PLA2G2C: variants seen among roughly 807,000 people sequenced by gnomAD.
PLA2G2C encodes putative inactive group IIC secretory phospholipase A2.
A neutral mutation model predicts 14.3 loss-of-function variants in PLA2G2C; 15 were observed. The observed-to-expected ratio is 1.05, with a 90% confidence interval of 0.70 to 1.62. The LOEUF is 1.62. Among genes scored for constraint, PLA2G2C ranks in the 40% most tolerant of loss-of-function variants. The pLI is 0.00. For missense variants in PLA2G2C, 162 were observed against 173.2 expected (o/e 0.94, Z 0.36); for synonymous variants, 79 against 67.7 (o/e 1.17, Z -0.82).
rs1218555540 is a variant in PLA2G2C at position 20,174,252 on chromosome 1, G to T, written c.179+755C>A. Among the ~76,000 whole-genome samples the T allele has an allele frequency of 2.6e-5, 4 of 152,142 alleles. No homozygotes were observed. In the South Asian group the frequency reaches 8.3e-4, roughly 32 times the overall value. ...GTGGGGACATGTTTCTCCATACTAG[G>T]TTAAATGTGGCAAGGAACATTTTGC... On this transcript the variant is annotated intron_variant, in intron 3 of 4. Coordinates refer to ENST00000679259, the MANE Select transcript of PLA2G2C (RefSeq NM_001367969.2).
At position 20,163,759 on chromosome 1, in the gene PLA2G2C, C is replaced by T. The variant is rs1478451775; in HGVS notation, c.*232G>A. On this transcript the variant is annotated 3_prime_UTR_variant, in exon 5 of 5. Coordinates refer to ENST00000679259, the MANE Select transcript of PLA2G2C (RefSeq NM_001367969.2). The stretch of plus-strand genomic sequence containing the variant: ...TCCTCCCCACTCCACAGAATGCCAG[C>T]TCCTGCAGGGCAGGCATCTCATCTT... The T allele has an allele frequency of 1.9e-6, 1 of 526,418 alleles. No homozygotes were observed. The highest frequency in any genetic ancestry group is 3.4e-6 in the Non-Finnish European group (1 of 298,074). 32.6% of individuals were successfully genotyped at this position (526,418 alleles called of 1,614,324 possible).
chr1:20,165,443 G>A (rs555860063), intron 4 of PLA2G2C, among the ~76,000 whole-genome samples: 45 of 152,192 alleles, frequency 3.0e-4, no homozygotes, highest in Non-Finnish European at 6.3e-4. Flanking sequence ...CATAAGCTGT[G>A]TGCGGCTGAG....
At chr1:20,177,468 G>A in intron 1 of PLA2G2C, 29 bp from the exon 2 acceptor site, 1 of 590,440 alleles carries the variant, frequency 1.7e-6, no homozygotes, top group Non-Finnish European at 3.0e-6. Flanking sequence ...ACCAAAATGA[G>A]GCAAGGGTAT....
At chr1:20,169,095 T>C (rs2018027001) in intron 4 of PLA2G2C, among the ~76,000 whole-genome samples, 1 of 152,166 alleles carries the variant, frequency 6.6e-6, no homozygotes, top group Non-Finnish European at 1.5e-5. Context: ...TCAGAACTCA[T>C]GGGAGGCTAG....
At chr1:20,179,212 C>CTGTGTGTGTGTGTGTGTGTGTG in intron 1 of PLA2G2C, among the ~76,000 whole-genome samples, 1 of 149,866 alleles carries the variant, frequency 6.7e-6, no homozygotes, top group South Asian at 2.1e-4. Context: ...GTCAGTTTCT[C>CTGTGTGTGTGTGTGTGTGTGTG]TGTGTGTGTG....
chr1:20,177,239 T>G, intron 2 of PLA2G2C, 85 bp downstream of exon 2: 2 of 699,408 alleles, frequency 2.9e-6, no homozygotes. Flanking sequence ...TTCCCTCACC[T>G]GGTGCCACCT....
intron 1 of PLA2G2C, among the ~76,000 whole-genome samples, chr1:20,183,782 A>G (rs903724568): frequency 2.6e-5 from 4 of 152,176 alleles, no homozygotes; most frequent in African/African-American, 9.6e-5. Flanking sequence ...GACACTGGAG[A>G]TGAAAAAGCT....
rs558161787 is a variant in PLA2G2C at position 20,181,436 on chromosome 1, A to G, written c.-76-3997T>C. The stretch of plus-strand genomic sequence containing the variant: ...CAGTAAGGGTAATTGAAGCTGGCAC[A>G]GGTCAGGTCATTTGCCCTGCAAACT... On this transcript the variant is annotated intron_variant, in intron 1 of 4. Coordinates refer to ENST00000679259, the MANE Select transcript of PLA2G2C (RefSeq NM_001367969.2). Among the ~76,000 whole-genome samples, 6 of 152,214 alleles carry G rather than the reference A, an allele frequency of 3.9e-5. No individual in the cohort carries two copies. In the South Asian group the frequency reaches 1.2e-3, roughly 32 times the overall value.
At chr1:20,182,084 T>TTA (rs1383707741) in intron 1 of PLA2G2C, among the ~76,000 whole-genome samples, 1 of 152,138 alleles carries the variant, frequency 6.6e-6, no homozygotes, top group Non-Finnish European at 1.5e-5. Context: ...CCAAGGTGAG[T>TTA]TACAGTGTTT....
chr1:20,176,031 T>C (rs1323557564), intron 2 of PLA2G2C, among the ~76,000 whole-genome samples: 1 of 151,738 alleles, frequency 6.6e-6, no homozygotes, highest in Non-Finnish European at 1.5e-5. Flanking sequence ...TGCCTCAGCC[T>C]CCTGAGTAGC....
chr1:20,174,391 C>G (rs1477896350), intron 3 of PLA2G2C, among the ~76,000 whole-genome samples: 1 of 152,202 alleles, frequency 6.6e-6, no homozygotes, highest in Non-Finnish European at 1.5e-5. Context: ...CACACTCCCC[C>G]ACCCCCATCC....
At chr1:20,168,246 T>G (rs2018009383) in intron 4 of PLA2G2C, among the ~76,000 whole-genome samples, 1 of 152,252 alleles carries the variant, frequency 6.6e-6, no homozygotes, top group Admixed American at 6.5e-5. Flanking sequence ...TAAAGATACG[T>G]GCACTGCCTA....
chr1:20,164,240 C>T, intron 4 of PLA2G2C, 83 bp from the exon 5 acceptor site: 1 of 1,385,738 alleles, frequency 7.2e-7, no homozygotes, highest in Non-Finnish European at 9.8e-7. Flanking sequence ...TGGGAGCTCA[C>T]TGTAAGGGGC....
At chr1:20,180,260 T>C (rs769728509) in intron 1 of PLA2G2C, among the ~76,000 whole-genome samples, 2 of 152,198 alleles carry the variant, frequency 1.3e-5, no homozygotes, top group East Asian at 1.9e-4. Flanking sequence ...CCTGCATCCA[T>C]GTGGAATGAT....
intron 3 of PLA2G2C, among the ~76,000 whole-genome samples, chr1:20,174,238 T>C (rs1019562385): frequency 2.6e-5 from 4 of 152,162 alleles, no homozygotes; most frequent in Non-Finnish European, 5.9e-5. Context: ...TGGGGACATG[T>C]TTCTCCATAC....
chr1:20,174,857 T>C, intron 3 of PLA2G2C, 150 bp downstream of exon 3: 1 of 828,370 alleles, frequency 1.2e-6, no homozygotes, highest in East Asian at 2.8e-5. Context: ...TCAAGACCCA[T>C]CCTCCAAATC....
intron 4 of PLA2G2C, 74 bp downstream of exon 4, chr1:20,172,720 T>C: frequency 7.8e-7 from 1 of 1,275,802 alleles, no homozygotes; most frequent in Non-Finnish European, 1.1e-6. Flanking sequence ...AAAAGATCTC[T>C]GGGTCAAAGA....
intron 4 of PLA2G2C, among the ~76,000 whole-genome samples, chr1:20,166,532 C>T (rs1367951476): frequency 6.6e-6 from 1 of 152,226 alleles, no homozygotes; most frequent in Non-Finnish European, 1.5e-5. Flanking sequence ...CCCAGCCAGC[C>T]TCACTGTCCA....
At chr1:20,175,595 A>AT (rs1423448983) in intron 2 of PLA2G2C, among the ~76,000 whole-genome samples, 7 of 152,160 alleles carry the variant, frequency 4.6e-5, no homozygotes, top group Non-Finnish European at 1.0e-4. Context: ...CTCAATTATT[A>AT]TTTTTTTAAA....
Sources: gnomAD v4.1 joint callset for allele counts (sites outside exome capture counted in the v4.1 genomes callset) on GRCh38, gnomAD v4.1.1 for gene constraint, MANE v1.5 for transcripts, NCBI Gene and HGNC (gene_info 2026-07-23, HGNC 2026-07-21) for gene names.